HSF5: variants seen among roughly 807,000 people sequenced by gnomAD.
The protein encoded by HSF5 is heat shock transcription factor 5, also known as heat shock factor protein 5.
Under a neutral mutation model 50.8 loss-of-function variants are expected in HSF5, and 5 were observed. That is an observed-to-expected ratio of 0.10 (90% CI 0.05 to 0.21). The LOEUF is 0.21. Among genes scored for constraint, HSF5 ranks in the 10% least tolerant of loss-of-function variants. HSF5 has a pLI of 1.00. For synonymous variants in HSF5, 307 were observed against 307.4 expected (o/e 1.00, Z 0.02); for missense variants, 564 against 762.6 (o/e 0.74, Z 3.07).
rs142702586 is a variant in HSF5, at chr17:58,485,728, C to T, written c.550+1997G>A. On this transcript the variant is annotated intron_variant, in intron 1 of 5. Coordinates refer to ENST00000323777, the MANE Select transcript of HSF5 (RefSeq NM_001080439.3). ...TGCCACTGCACTCCAGCCTGGGGGACAGAGTGAAACCCTATCTCAAAAAAA... is the reference window on the plus strand; with the variant it reads ...TGCCACTGCACTCCAGCCTGGGGGATAGAGTGAAACCCTATCTCAAAAAAA... Among the ~76,000 whole-genome samples, 680 of 129,840 alleles carry T rather than the reference C, an allele frequency of 5.2e-3. 5 individuals carry two copies. Among genetic ancestry groups the T allele is most frequent in the African/African-American group, 0.019 (646 of 33,356 alleles). The allele number at this position is 129,840 out of a possible 152,430, so 85.2% of individuals were successfully genotyped here. A position where few individuals can be genotyped will look rare whatever the true frequency, so the allele number is the denominator to read the frequency against.
At chr17:58,424,725 G>A (rs1462063866) in intron 5 of HSF5, among the ~76,000 whole-genome samples, 1 of 152,042 alleles carries the variant, frequency 6.6e-6, no homozygotes, top group Non-Finnish European at 1.5e-5. Context: ...ATTCAAGGCT[G>A]CAGTGAGCTA....
In HSF5 at chr17:58,463,141, G is replaced by C. The variant is rs1833627178; in HGVS notation, c.1183C>G (p.Pro395Ala). ...SPKLEMVKVE[P>A]VENQCPTSPS... is the part of the protein sequence containing the mutation. ...GATGTTGGGCACTGATTCTCAACAGGCTCCACCTTTACCATCTCCAATTTA... is the reference window on the plus strand; with the variant it reads ...GATGTTGGGCACTGATTCTCAACAGCCTCCACCTTTACCATCTCCAATTTA... Residue 395 changes from proline (P) to alanine (A), a missense_variant, in exon 4 of 6, where the codon CCT (proline) becomes GCT (alanine). Pro to Ala is a conservative substitution (Grantham distance 27). This residue lies in a region of HSF5 where 441 missense variants were observed against 533.6 expected (regional missense o/e 0.83). Coordinates refer to ENST00000323777, the MANE Select transcript of HSF5 (RefSeq NM_001080439.3). The C allele has an allele frequency of 6.2e-7, 1 of 1,614,024 alleles. No individual in the cohort carries two copies.
Position 58,473,954 on chromosome 17 carries a change from T to C in HSF5, c.925+5939A>G, listed in dbSNP as rs565620427. 3.5e-4 allele frequency among the ~76,000 whole-genome samples: 53 copies of C among 152,170 alleles called. No homozygotes were observed. In the South Asian group the frequency reaches 0.011, roughly 30 times the overall value. On this transcript the variant is annotated intron_variant, in intron 2 of 5. Coordinates refer to ENST00000323777, the MANE Select transcript of HSF5 (RefSeq NM_001080439.3). ...TCAACCTCCTGAGCTCAAGCAATCT[T>C]CCCACCTCAGCCCCCAAGTAGCTGG...
chr17:58,474,245 T>C (rs1217176117), intron 2 of HSF5, among the ~76,000 whole-genome samples: 1 of 152,256 alleles, frequency 6.6e-6, no homozygotes, highest in African/African-American at 2.4e-5. Context: ...GGTATTTTTA[T>C]GGCACTTTCT....
At chr17:58,465,348 G>C (rs903880806) in intron 3 of HSF5, among the ~76,000 whole-genome samples, 6 of 151,658 alleles carry the variant, frequency 4.0e-5, no homozygotes, top group Admixed American at 1.3e-4. Context: ...AACAAGAAAA[G>C]GTCTTTATAA....
chr17:58,464,999 A>G (rs1360486374), intron 3 of HSF5, among the ~76,000 whole-genome samples: 1 of 149,130 alleles, frequency 6.7e-6, no homozygotes, highest in Non-Finnish European at 1.5e-5. Context: ...ACAGTGGCAC[A>G]ATCATAGCTC....
At position 58,446,473 on chromosome 17, in the gene HSF5, G is replaced by A. The variant is rs538280363; in HGVS notation, c.1720+12295C>T. Among the ~76,000 whole-genome samples the A allele has an allele frequency of 3.9e-5, 6 of 152,306 alleles. No individual in the cohort carries two copies. In the South Asian group the frequency reaches 8.3e-4, roughly 21 times the overall value. Reference sequence around the variant, plus strand: ...ATTTGAACTTAGTACTGGTGCCATCGCAGCAAAATACAGCAAGGGGCAGAA... The same window carrying A: ...ATTTGAACTTAGTACTGGTGCCATCACAGCAAAATACAGCAAGGGGCAGAA... On this transcript the variant is annotated intron_variant, in intron 5 of 5. Transcript: ENST00000323777.
chr17:58,464,040 G>C (rs951114332), intron 3 of HSF5, among the ~76,000 whole-genome samples: 1 of 152,064 alleles, frequency 6.6e-6, no homozygotes, highest in African/African-American at 2.4e-5. Flanking sequence ...GCACAGAGTA[G>C]GCATTCAATA....
intron 5 of HSF5, among the ~76,000 whole-genome samples, chr17:58,423,835 G>A (rs1449374231): frequency 6.6e-6 from 1 of 152,164 alleles, no homozygotes; most frequent in Non-Finnish European, 1.5e-5. Flanking sequence ...GCATTTGTGA[G>A]TTAAAGTATA....
chr17:58,428,644 G>A (rs1974326929), intron 5 of HSF5, among the ~76,000 whole-genome samples: 2 of 152,140 alleles, frequency 1.3e-5, no homozygotes, highest in African/African-American at 4.8e-5. Flanking sequence ...GGGCGACAGA[G>A]TGAGACTCTG....
Position 58,427,691 on chromosome 17 carries a change from T to TA in HSF5, c.1721-5262dup, listed in dbSNP as rs1164228351. Among the ~76,000 whole-genome samples the TA allele has an allele frequency of 3.3e-5, 5 of 152,214 alleles. No individual in the cohort carries two copies. In the South Asian group the frequency reaches 6.2e-4, roughly 19 times the overall value. On this transcript the variant is annotated intron_variant, in intron 5 of 5. Transcript: ENST00000323777. ...ACTTGAAATTTAGTATCTACCAAGA[T>TA]AAAAAACATTTGGTCATCTATGAGA...
At chr17:58,474,847 C>G (rs1416745947) in intron 2 of HSF5, among the ~76,000 whole-genome samples, 1 of 152,144 alleles carries the variant, frequency 6.6e-6, no homozygotes, top group Non-Finnish European at 1.5e-5. Flanking sequence ...TCCCAAATTG[C>G]TGGGATTACA....
At position 58,458,792 on chromosome 17, in the gene HSF5, T is replaced by G. The variant is rs1974748799; in HGVS notation, c.1696A>C (p.Asn566His). The G allele has an allele frequency of 6.2e-7, 1 of 1,612,566 alleles. No individual in the cohort carries two copies. Among genetic ancestry groups the G allele is most frequent in the African/African-American group, 1.3e-5 (1 of 74,864 alleles). Reference sequence around the variant, plus strand: ...CCAGGGGACTTTCCTTGTTGTGAGTTGCTTCTGTGCTCTCTGTATCTGGCT... The same window carrying G: ...CCAGGGGACTTTCCTTGTTGTGAGTGGCTTCTGTGCTCTCTGTATCTGGCT... ...TPARYREHRS[N>H]SQQGKSPDLH... Residue 566 changes from asparagine to histidine, a missense_variant, in exon 5 of 6, where the codon AAC becomes CAC. Physicochemically the swap from Asn to His is moderately conservative, Grantham distance 68 (BLOSUM62 1). Around this residue, in one of 5 missense-constraint regions of HSF5, gnomAD observed 441 missense variants for 533.6 expected, o/e 0.83. Transcript: ENST00000323777.
rs1028863434 is a variant in HSF5, at chr17:58,437,672, T to C, written c.1721-15242A>G. 2.6e-5 allele frequency among the ~76,000 whole-genome samples: 4 copies of C among 152,324 alleles called. No individual in the cohort carries two copies. In the South Asian group the frequency reaches 6.2e-4, roughly 24 times the overall value. ...TCTAGAAAGGGGGTTGTGCTAGACA[T>C]ATTGTGTTGCAACTTACCCATTTGC... On this transcript the variant is annotated intron_variant, in intron 5 of 5. Transcript: ENST00000323777.
chr17:58,486,737 C>G (rs1975186254), intron 1 of HSF5, among the ~76,000 whole-genome samples: 1 of 152,114 alleles, frequency 6.6e-6, no homozygotes, highest in Admixed American at 6.6e-5. Context: ...TACCATTCTA[C>G]ACATTAACCA....
chr17:58,441,500 G>A (rs1429731516), intron 5 of HSF5, among the ~76,000 whole-genome samples: 1 of 151,940 alleles, frequency 6.6e-6, no homozygotes, highest in Non-Finnish European at 1.5e-5. Context: ...TACGAGAAAG[G>A]AAATAATATA....
At chr17:58,445,624 C>A (rs1567908991) in intron 5 of HSF5, among the ~76,000 whole-genome samples, 1 of 152,088 alleles carries the variant, frequency 6.6e-6, no homozygotes, top group African/African-American at 2.4e-5. Flanking sequence ...AATATAGTCA[C>A]AAAAATACAA....
intron 5 of HSF5, among the ~76,000 whole-genome samples, chr17:58,439,599 C>A (rs1974473458): frequency 6.6e-6 from 1 of 152,122 alleles, no homozygotes; most frequent in African/African-American, 2.4e-5. Flanking sequence ...ATTCTCCTGC[C>A]TTAGCCTCCT....
chr17:58,450,704 G>C (rs192069840), intron 5 of HSF5, among the ~76,000 whole-genome samples: 191 of 148,136 alleles, frequency 1.3e-3, no homozygotes, highest in Admixed American at 9.1e-3. Context: ...AGTGAGCCAA[G>C]ATCGCGCCAT....
Sources: allele counts gnomAD v4.1 joint callset (sites outside exome capture counted in the v4.1 genomes callset), GRCh38; gene constraint gnomAD v4.1.1; regional missense constraint gnomAD v4.1.1; transcripts MANE v1.5; gene names NCBI Gene and HGNC (gene_info 2026-07-23, HGNC 2026-07-21).